Variants in ATP11C observed in about 807,000 individuals in gnomAD.
ATP11C encodes phospholipid-transporting ATPase IG.
In ATP11C, 36 loss-of-function variants were observed where a neutral mutation model predicts 97.4. That is an observed-to-expected ratio of 0.37 (90% CI 0.28 to 0.49). The LOEUF is 0.49. Among genes scored for constraint, ATP11C ranks in the 20% least tolerant of loss-of-function variants. ATP11C has a pLI of 0.98. For synonymous variants in ATP11C, 275 were observed against 290.9 expected, an observed-to-expected ratio of 0.95 and a Z score of 0.56; for missense variants, 730 against 824.6, an observed-to-expected ratio of 0.89 and a Z score of 1.40.
chrX:139,907,519 G>A (rs765024226), intron 1 of ATP11C, among the ~76,000 whole-genome samples: 4 of 110,784 alleles, frequency 3.6e-5, no homozygotes, highest in East Asian at 2.8e-4. Context: ...GAGGCTGAGC[G>A]GGGCACATCA....
At chrX:139,891,810 A>C (rs2084735222) in intron 1 of ATP11C, among the ~76,000 whole-genome samples, 1 of 111,899 alleles carries the variant, frequency 8.9e-6, no homozygotes. Flanking sequence ...TAAGCTTCTG[A>C]GAGTCTTTTT....
rs567831767 is a variant in ATP11C at position 139,759,525 on chromosome X, C to T, written c.2641-1658G>A. On this transcript the variant is annotated intron_variant, in intron 22 of 29. Coordinates refer to ENST00000682941, the MANE Select transcript of ATP11C (RefSeq NM_001353812.2). Reference sequence around the variant, plus strand: ...AAGGGACAAGTTGAAAAGTGGCATTCTTTAAACACTAATCTAGTTGAATTA... The same window carrying T: ...AAGGGACAAGTTGAAAAGTGGCATTTTTTAAACACTAATCTAGTTGAATTA... Among the ~76,000 whole-genome samples the T allele has an allele frequency of 1.1e-3, 121 of 111,171 alleles. 1 individual carries two copies. The highest frequency in any genetic ancestry group is 4.6e-3 in the Middle Eastern group (1 of 218).
chrX:139,835,407 G>C (rs1160658337), intron 1 of ATP11C, among the ~76,000 whole-genome samples: 2 of 110,086 alleles, frequency 1.8e-5, no homozygotes, highest in East Asian at 5.9e-4. Flanking sequence ...GGGAAAGTGG[G>C]GCCAGATTTT....
intron 26 of ATP11C, among the ~76,000 whole-genome samples, chrX:139,741,709 T>C (rs896056242): frequency 8.9e-6 from 1 of 111,850 alleles, no homozygotes; most frequent in Non-Finnish European, 1.9e-5. Flanking sequence ...AATAAAATAT[T>C]CAGTTAGATT....
intron 18 of ATP11C, among the ~76,000 whole-genome samples, chrX:139,780,934 C>T (rs915460042): frequency 9.0e-6 from 1 of 111,071 alleles, no homozygotes. Flanking sequence ...AGGGGGAAGA[C>T]GGGAGGGGAG....
chrX:139,910,875 A>G (rs1317821182), intron 1 of ATP11C, among the ~76,000 whole-genome samples: 1 of 111,626 alleles, frequency 9.0e-6, no homozygotes, highest in Non-Finnish European at 1.9e-5. Flanking sequence ...TATTCTGAAA[A>G]CACAGTCACA....
At chrX:139,762,990 A>G in intron 21 of ATP11C, among the ~76,000 whole-genome samples, 1 of 112,430 alleles carries the variant, frequency 8.9e-6, no homozygotes, top group Non-Finnish European at 1.9e-5. Flanking sequence ...CCAGGGGCAG[A>G]AAATCAATAA....
intron 1 of ATP11C, among the ~76,000 whole-genome samples, chrX:139,833,720 G>A (rs1252223959): frequency 9.0e-6 from 1 of 110,781 alleles, no homozygotes; most frequent in African/African-American, 3.3e-5. Flanking sequence ...TTCCTACAGG[G>A]AAGGCTTTCA....
intron 28 of ATP11C, 183 bp downstream of exon 28, chrX:139,737,733 C>T (rs1569422419): frequency 1.9e-6 from 1 of 533,313 alleles, no homozygotes; most frequent in East Asian, 3.5e-5. Flanking sequence ...CTACTTACCA[C>T]CTGCATTGGA....
chrX:139,881,333 T>A (rs2084558326), intron 1 of ATP11C, among the ~76,000 whole-genome samples: 1 of 111,417 alleles, frequency 9.0e-6, no homozygotes, highest in Non-Finnish European at 1.9e-5. Context: ...CATACATGGT[T>A]CAACCCAGGC....
At chrX:139,895,859 GGAAACATTTAGTA>G (rs1034649510) in intron 1 of ATP11C, among the ~76,000 whole-genome samples, 12 of 109,879 alleles carry the variant, frequency 1.1e-4, no homozygotes, top group Non-Finnish European at 2.1e-4. Context: ...TTTTTTTGCT[GGAAACATTTAGTA>G]GAGACAAGAT....
intron 1 of ATP11C, among the ~76,000 whole-genome samples, chrX:139,909,013 T>C (rs943125980): frequency 8.9e-6 from 1 of 112,657 alleles, no homozygotes; most frequent in Non-Finnish European, 1.9e-5. Context: ...CTAAATTATG[T>C]AACCTGAGAT....
chrX:139,832,791 G>A (rs1603394934), intron 1 of ATP11C, among the ~76,000 whole-genome samples: 1 of 112,193 alleles, frequency 8.9e-6, no homozygotes, highest in East Asian at 2.8e-4. Flanking sequence ...GGTTTATGTG[G>A]AAAGGTCCCT....
At chrX:139,762,951 T>C (rs1016464740) in intron 21 of ATP11C, among the ~76,000 whole-genome samples, 1 of 111,990 alleles carries the variant, frequency 8.9e-6, no homozygotes, top group Non-Finnish European at 1.9e-5. Flanking sequence ...TCAAAAGATA[T>C]AGTACAGCAA....
At chrX:139,775,010 G>A (rs1603356768) in intron 18 of ATP11C, 57 bp from the exon 19 acceptor site, 2 of 1,099,403 alleles carry the variant, frequency 1.8e-6, no homozygotes, top group African/African-American at 3.7e-5. Context: ...AGATTCTACA[G>A]GAAGGCTTAT....
At chrX:139,740,940 A>G in intron 27 of ATP11C, 51 bp downstream of exon 27, 1 of 759,803 alleles carries the variant, frequency 1.3e-6, no homozygotes, top group Non-Finnish European at 2.0e-6. Context: ...GTACATACAC[A>G]TGTATCTACT....
intron 1 of ATP11C, chrX:139,924,043 TG>T (rs1205480769): frequency 1.2e-5 from 4 of 320,552 alleles, no homozygotes; most frequent in Non-Finnish European, 2.7e-5. Context: ...AGGTATAGAA[TG>T]GGATGAAGTG....
chrX:139,880,390 C>T (rs2148042846), intron 1 of ATP11C, among the ~76,000 whole-genome samples: 2 of 111,739 alleles, frequency 1.8e-5, no homozygotes, highest in East Asian at 2.8e-4. Context: ...TAATGTATGG[C>T]TTTCCTTTGC....
At chrX:139,913,182 G>A (rs2148141746) in intron 1 of ATP11C, among the ~76,000 whole-genome samples, 1 of 112,080 alleles carries the variant, frequency 8.9e-6, no homozygotes, top group Admixed American at 9.5e-5. Flanking sequence ...ATGAGTAAGA[G>A]TGCTTTTGAA....
Sources: allele counts gnomAD v4.1 joint callset (sites outside exome capture counted in the v4.1 genomes callset), GRCh38; gene constraint gnomAD v4.1.1; transcripts MANE v1.5; gene names NCBI Gene and HGNC (gene_info 2026-07-23, HGNC 2026-07-21).